Variants in GPR89B observed in about 807,000 individuals in gnomAD.
GPR89B encodes G protein-coupled receptor 89B.
In GPR89B, 25 loss-of-function variants were observed where a neutral mutation model predicts 52.4. The observed-to-expected ratio is 0.48, with a 90% CI of 0.35 to 0.67. The LOEUF is 0.67. Ranked by LOEUF, GPR89B falls within the 30% of genes least tolerant of loss-of-function variation. The pLI is 0.01. For missense variants in GPR89B, 146 were observed against 450.2 expected (o/e 0.32, Z 6.11); for synonymous variants, 52 against 151.2 (o/e 0.34, Z 4.81).
chr1:147,981,629 G>A (rs1658259819), intron 10 of GPR89B, among the ~76,000 whole-genome samples: 1 of 151,222 alleles, frequency 6.6e-6, no homozygotes, highest in Non-Finnish European at 1.5e-5. Flanking sequence ...TATCAATAAT[G>A]CTGATGTGAA....
At chr1:147,930,860 C>T (rs1422867681) in intron 1 of GPR89B, among the ~76,000 whole-genome samples, 1 of 152,132 alleles carries the variant, frequency 6.6e-6, no homozygotes. Flanking sequence ...GCTATGGTGC[C>T]TCCAGATTTC....
At chr1:147,970,151 G>A (rs1657307570) in intron 10 of GPR89B, among the ~76,000 whole-genome samples, 192 bp downstream of exon 10, 5 of 151,890 alleles carry the variant, frequency 3.3e-5, no homozygotes, top group Non-Finnish European at 7.4e-5. Context: ...GATAAGGAAG[G>A]TTGCATTTTT....
chr1:147,931,110 T>C (rs1200229973), intron 1 of GPR89B, among the ~76,000 whole-genome samples: 2 of 152,104 alleles, frequency 1.3e-5, no homozygotes, highest in Non-Finnish European at 2.9e-5. Flanking sequence ...TGCTCTCATT[T>C]GCCATTCTAT....
chr1:147,932,354 T>C (rs1277444990), intron 1 of GPR89B, among the ~76,000 whole-genome samples: 4 of 152,120 alleles, frequency 2.6e-5, no homozygotes, highest in Admixed American at 2.0e-4. Context: ...TTCATGTATA[T>C]GTAAGTCCAC....
At position 147,984,616 on chromosome 1, in the gene GPR89B, C is replaced by A. The variant is rs1289992576; in HGVS notation, c.910-1583C>A. Among the ~76,000 whole-genome samples, 4 of 151,218 alleles carry A rather than the reference C, an allele frequency of 2.6e-5. No individual in the cohort carries two copies. The East Asian group carries it at 7.8e-4, about 29-fold the overall frequency. ...AATTTCTTAAGATTTAAACTAAGAT[C>A]ATTGATTGGAGATCTTTGCTGATAT... On this transcript the variant is annotated intron_variant, in intron 10 of 13. Transcript: ENST00000314163.
At chr1:147,950,962 GGGGAGAGGGAGA>G (rs1327691688) in intron 5 of GPR89B, among the ~76,000 whole-genome samples, 8 of 152,108 alleles carry the variant, frequency 5.3e-5, no homozygotes, top group Non-Finnish European at 7.4e-5. Context: ...GAGGGAGATG[GGGGAGAGGGAGA>G]GGGAGAGGGA....
the GPR89B span, chr1:148,012,145 C>T: frequency 6.6e-6 from 1 of 152,154 alleles, no homozygotes. Flanking sequence ...ATGTTGGAAC[C>T]ACTAAGGTTC....
chr1:148,017,580 A>C, the GPR89B span, among the ~76,000 whole-genome samples: 1 of 149,322 alleles, frequency 6.7e-6, no homozygotes, highest in Non-Finnish European at 1.5e-5. Context: ...TAAAAATACA[A>C]ACAAAAAATT....
intron 10 of GPR89B, among the ~76,000 whole-genome samples, chr1:147,984,202 A>G (rs1158191176): frequency 7.0e-6 from 1 of 143,160 alleles, no homozygotes; most frequent in East Asian, 2.2e-4. Flanking sequence ...GGGGAGGGAT[A>G]GTTTTAGGAG....
chr1:148,014,507 G>C, the GPR89B span: 1 of 151,314 alleles, frequency 6.6e-6, no homozygotes. Context: ...GGTCAGCGGA[G>C]CCGAAGTGTG....
chr1:148,009,686 A>G, the GPR89B span: 1 of 645,244 alleles, frequency 1.5e-6, no homozygotes, highest in Non-Finnish European at 2.7e-6. Flanking sequence ...GGCCCTGGAG[A>G]TGCTGCTAGT....
chr1:148,021,463 T>C, the GPR89B span, among the ~76,000 whole-genome samples: 1,738 of 151,712 alleles, frequency 0.011, 53 homozygotes, highest in African/African-American at 0.036. Context: ...GATCGCGCCA[T>C]TGCACTCCAG....
At chr1:147,957,924 C>T (rs1215098068) in intron 7 of GPR89B, among the ~76,000 whole-genome samples, 4 of 151,432 alleles carry the variant, frequency 2.6e-5, no homozygotes, top group Non-Finnish European at 1.5e-5. Context: ...AGTAGCCGGG[C>T]GTGGTGGTGG....
intron 10 of GPR89B, among the ~76,000 whole-genome samples, chr1:147,970,504 T>TCTCCCTCC (rs1558058819): frequency 2.9e-5 from 4 of 138,224 alleles, no homozygotes; most frequent in Admixed American, 7.0e-5. Context: ...TCTCTCTCTC[T>TCTCCCTCC]CTCTCTCTCT....
chr1:147,935,791 G>C (rs1553247764), intron 1 of GPR89B, among the ~76,000 whole-genome samples: 1 of 152,066 alleles, frequency 6.6e-6, no homozygotes, highest in Non-Finnish European at 1.5e-5. Context: ...CTGGAGCACA[G>C]TGGTGCAATC....
intron 5 of GPR89B, among the ~76,000 whole-genome samples, chr1:147,950,489 A>C (rs1426206533): frequency 6.9e-6 from 1 of 144,732 alleles, no homozygotes; most frequent in Non-Finnish European, 1.5e-5. Flanking sequence ...GTCCCAGACG[A>C]TGGGCGGCCA....
At chr1:147,994,132 G>A, downstream of GPR89B, 2 of 1,023,228 alleles carry the variant, frequency 2.0e-6, no homozygotes, top group Non-Finnish European at 2.7e-6. Context: ...ATAGCCGCCT[G>A]TAAGACAAAT....
chr1:147,994,302 C>A, downstream of GPR89B: 1 of 1,525,760 alleles, frequency 6.6e-7, no homozygotes, highest in Non-Finnish European at 9.0e-7. Flanking sequence ...TTGTTTTCAT[C>A]ACATCTCTGT....
rs1571312008 is a variant in GPR89B, at chr1:147,982,607, C to T, written c.910-3592C>T. 3.8e-5 allele frequency among the ~76,000 whole-genome samples: 5 copies of T among 130,960 alleles called. No homozygotes were observed. In the East Asian group the frequency reaches 1.1e-3, roughly 28 times the overall value. 85.9% of individuals were successfully genotyped at this position (130,960 alleles called of 152,430 possible). ...GATGCCTCCAGCTTTGCTCTTTTGG[C>T]TTAGGATTGACTTGGCAATGTGGGC... On this transcript the variant is annotated intron_variant, in intron 10 of 13. Coordinates refer to ENST00000314163, the MANE Select transcript of GPR89B (RefSeq NM_016334.5).
Sources: allele counts gnomAD v4.1 joint callset (sites outside exome capture counted in the v4.1 genomes callset), GRCh38; gene constraint gnomAD v4.1.1; transcripts MANE v1.5; gene names NCBI Gene and HGNC (gene_info 2026-07-23, HGNC 2026-07-21).